The following CNTNAP2 variants were observed in gnomAD, a reference collection of about 807,000 sequenced individuals.
CNTNAP2 encodes contactin associated protein 2, also known as contactin-associated protein-like 2.
CNTNAP2 carries 98 observed loss-of-function variants against 155.2 expected under a neutral mutation model. The ratio of observed to expected loss-of-function variants is 0.63; its 90% CI spans 0.54 to 0.75. The LOEUF (loss-of-function observed/expected upper bound fraction) is 0.75, where lower values mean the gene tolerates loss of function less well. CNTNAP2 is among the 30% of genes least tolerant of loss of function. The pLI, the probability that CNTNAP2 is intolerant of heterozygous loss-of-function variation, is 0.00. For missense variants in CNTNAP2, 1,727 were observed against 1,688.1 expected (o/e 1.02, Z -0.40); for synonymous variants, 651 against 631.2 (o/e 1.03, Z -0.47).
chr7:147,579,230 A>G (rs1385454561), intron 12 of CNTNAP2, among the ~76,000 whole-genome samples: 1 of 152,132 alleles, frequency 6.6e-6, no homozygotes, highest in African/African-American at 2.4e-5. Flanking sequence ...TCCCAGACTT[A>G]TGAAATATCT....
chr7:147,070,848 TG>T (rs57962632), intron 4 of CNTNAP2, among the ~76,000 whole-genome samples: 16,296 of 152,138 alleles, frequency 0.11, 2,365 homozygotes, highest in African/African-American at 0.33. Flanking sequence ...TCATTTACGA[TG>T]GAAATGTATC....
chr7:146,632,704 G>T (rs987309308), intron 1 of CNTNAP2, among the ~76,000 whole-genome samples: 1 of 151,896 alleles, frequency 6.6e-6, no homozygotes, highest in Non-Finnish European at 1.5e-5. Flanking sequence ...GCCTATATTT[G>T]TAGAGGACAT....
At chr7:146,939,225 T>C (rs940242578) in intron 3 of CNTNAP2, among the ~76,000 whole-genome samples, 2 of 152,182 alleles carry the variant, frequency 1.3e-5, no homozygotes, top group Non-Finnish European at 1.5e-5. Flanking sequence ...CAATGTTTTT[T>C]CTTGTTCTAT....
chr7:147,350,541 T>A (rs1465689304), intron 9 of CNTNAP2, among the ~76,000 whole-genome samples: 1 of 151,898 alleles, frequency 6.6e-6, no homozygotes, highest in Admixed American at 6.6e-5. Context: ...TAATTGAACA[T>A]TAAAATTCTT....
intron 8 of CNTNAP2, among the ~76,000 whole-genome samples, chr7:147,230,526 G>A (rs1345966090): frequency 6.6e-6 from 1 of 152,154 alleles, no homozygotes; most frequent in East Asian, 1.9e-4. Context: ...TGGGATTGCA[G>A]GCATGAACCA....
chr7:146,617,771 A>C (rs867394239), intron 1 of CNTNAP2, among the ~76,000 whole-genome samples: 1 of 152,136 alleles, frequency 6.6e-6, no homozygotes, highest in African/African-American at 2.4e-5. Flanking sequence ...ATATTTTTTT[A>C]AAATATCTCA....
At chr7:148,302,421 T>TC (rs1797411010) in intron 21 of CNTNAP2, among the ~76,000 whole-genome samples, 1 of 152,178 alleles carries the variant, frequency 6.6e-6, no homozygotes, top group Admixed American at 6.5e-5. Flanking sequence ...TATCTGTGCC[T>TC]CCTTCTCCCT....
chr7:147,469,388 A>G (rs1798173285), intron 10 of CNTNAP2, among the ~76,000 whole-genome samples: 1 of 152,102 alleles, frequency 6.6e-6, no homozygotes, highest in African/African-American at 2.4e-5. Context: ...TTCAAAAAAT[A>G]TCAAGCATGT....
chr7:146,933,448 T>C (rs1197508102), intron 3 of CNTNAP2, among the ~76,000 whole-genome samples: 1 of 151,532 alleles, frequency 6.6e-6, no homozygotes, highest in South Asian at 2.1e-4. Context: ...CAGGATGGAT[T>C]AAAGACTTAA....
intron 8 of CNTNAP2, among the ~76,000 whole-genome samples, chr7:147,263,375 A>AT (rs1554460037): frequency 1.5e-3 from 154 of 101,696 alleles, no homozygotes; most frequent in African/African-American, 6.6e-3. Context: ...AAAAATAAAA[A>AT]TTAAAAAAAA....
chr7:147,043,964 A>G lies in CNTNAP2; in HGVS notation c.460A>G (p.Ile154Val). ...GVVRHELQHPIIARYVRIVPL... is the reference protein window; with the variant it reads ...GVVRHELQHPVIARYVRIVPL... ...GGTCCGGCACGAATTACAGCATCCG[A>G]TTATTGCCCGCTATGTGCGCATAGT... The change falls in exon 4 of 24, where the codon ATT becomes GTT. Residue 154 changes from isoleucine (I) to valine (V), a missense_variant. Transcript: ENST00000361727. 1 of 1,614,188 alleles carries G rather than the reference A, an allele frequency of 6.2e-7. No individual in the cohort carries two copies. The highest frequency in any genetic ancestry group is 8.5e-7 in the Non-Finnish European group (1 of 1,180,026).
intron 14 of CNTNAP2, among the ~76,000 whole-genome samples, chr7:147,965,691 G>A (rs1432357814): frequency 6.6e-6 from 1 of 151,980 alleles, no homozygotes; most frequent in African/African-American, 2.4e-5. Flanking sequence ...TTTAGATCCT[G>A]TATTTTCAAC....
intron 17 of CNTNAP2, among the ~76,000 whole-genome samples, chr7:148,154,013 C>T (rs1805354920): frequency 6.6e-6 from 1 of 152,250 alleles, no homozygotes; most frequent in African/African-American, 2.4e-5. Flanking sequence ...TAAGTGGCTC[C>T]TTGACAGAGG....
intron 8 of CNTNAP2, among the ~76,000 whole-genome samples, chr7:147,221,146 A>T (rs934409775): frequency 6.6e-6 from 1 of 150,610 alleles, no homozygotes; most frequent in East Asian, 1.9e-4. Flanking sequence ...ATAAAAAAAA[A>T]CTCTTAATTT....
At chr7:146,899,251 C>G (rs145338233) in intron 3 of CNTNAP2, among the ~76,000 whole-genome samples, 1 of 152,120 alleles carries the variant, frequency 6.6e-6, no homozygotes, top group South Asian at 2.1e-4. Flanking sequence ...TTCCCAAATT[C>G]CATCTCCATT....
chr7:147,794,753 C>CTTTTTT lies in CNTNAP2; in HGVS notation c.2099-108812_2099-108811insTTTTTT, dbSNP rs1563091798. Among the ~76,000 whole-genome samples the CTTTTTT allele has an allele frequency of 3.3e-4, 44 of 133,140 alleles. No individual in the cohort carries two copies. The East Asian group carries it at 0.012, about 35-fold the overall frequency. The allele number at this position is 133,140 out of a possible 152,430, so 87.3% of individuals were successfully genotyped here. A position where few individuals can be genotyped will look rare whatever the true frequency, so the allele number is the denominator to read the frequency against. On this transcript the variant is annotated intron_variant, in intron 13 of 23. Coordinates refer to ENST00000361727, the MANE Select transcript of CNTNAP2 (RefSeq NM_014141.6). ...TTATGGGTAGTTTTTTTTTTAAAAACAATTAATTCAATCTTATTTGTTAAA... is the reference window on the plus strand; with the variant it reads ...TTATGGGTAGTTTTTTTTTTAAAAACTTTTTTAATTAATTCAATCTTATTTGTTAAA...
intron 8 of CNTNAP2, among the ~76,000 whole-genome samples, chr7:147,175,979 C>T (rs1027107833): frequency 3.7e-4 from 56 of 152,280 alleles, no homozygotes; most frequent in African/African-American, 1.3e-3. Flanking sequence ...ATATCAAATA[C>T]TGGCAGTTAC....
At chr7:148,045,827 T>C (rs1262558093) in intron 15 of CNTNAP2, among the ~76,000 whole-genome samples, 3 of 152,204 alleles carry the variant, frequency 2.0e-5, no homozygotes, top group African/African-American at 7.2e-5. Flanking sequence ...AAACAGTTCA[T>C]ATGTTATATG....
At chr7:146,388,096 T>C (rs1351555015) in intron 1 of CNTNAP2, among the ~76,000 whole-genome samples, 1 of 151,714 alleles carries the variant, frequency 6.6e-6, no homozygotes, top group Non-Finnish European at 1.5e-5. Context: ...CTTTTTATTT[T>C]TTTTTTAATT....
Sources: gnomAD v4.1 joint callset for allele counts (sites outside exome capture counted in the v4.1 genomes callset) on GRCh38, gnomAD v4.1.1 for gene constraint, MANE v1.5 for transcripts, NCBI Gene and HGNC (gene_info 2026-07-23, HGNC 2026-07-21) for gene names.